The following CXCL12 variants were observed in gnomAD, a reference collection of about 807,000 sequenced individuals.
The protein encoded by CXCL12 is stromal cell-derived factor 1.
CXCL12 carries 4 observed loss-of-function variants against 10.7 expected under a neutral mutation model. That is an observed-to-expected ratio of 0.37 (90% CI 0.18 to 0.86). The LOEUF is 0.86. Ranked by LOEUF, CXCL12 falls within the 40% of genes least tolerant of loss-of-function variation. CXCL12 has a pLI of 0.43. For synonymous variants in CXCL12, 54 were observed against 45.4 expected (o/e 1.19, Z -0.77); for missense variants, 122 against 110.4 (o/e 1.10, Z -0.47).
downstream of CXCL12, chr10:44,374,608 C>T: frequency 2.2e-6 from 1 of 456,046 alleles, no homozygotes; most frequent in South Asian, 1.5e-5. Context: ...TAGGACACCT[C>T]CCCAACGAGG....
At chr10:44,379,232 G>A (rs963711884) in intron 2 of CXCL12, among the ~76,000 whole-genome samples, 1 of 151,992 alleles carries the variant, frequency 6.6e-6, no homozygotes, top group Non-Finnish European at 1.5e-5. Context: ...GAGGAAGGAG[G>A]CCTGCCAGAA....
At chr10:44,372,603 C>A, downstream of CXCL12, 1 of 1,279,778 alleles carries the variant, frequency 7.8e-7, no homozygotes, top group Non-Finnish European at 9.9e-7. Flanking sequence ...GCACAGTTTA[C>A]ATGAAAGCTT....
At chr10:44,376,092 C>T, downstream of CXCL12, 1 of 1,589,292 alleles carries the variant, frequency 6.3e-7, no homozygotes, top group Non-Finnish European at 8.6e-7. Context: ...TCGTCTCAGT[C>T]TGCATAAGAT....
downstream of CXCL12, chr10:44,372,090 G>C (rs1377559663): frequency 6.6e-6 from 1 of 152,300 alleles, no homozygotes; most frequent in Non-Finnish European, 1.5e-5. Flanking sequence ...AAATGGTGAA[G>C]AAGATGAGGT....
downstream of CXCL12, chr10:44,373,096 T>C (rs140248633): frequency 2.9e-3 from 4,519 of 1,536,422 alleles, 8 homozygotes; most frequent in Non-Finnish European, 3.6e-3. Flanking sequence ...ATGGCCTTAG[T>C]CTAAGCTGCT....
At chr10:44,380,707 C>T (rs781468521) in intron 2 of CXCL12, 56 bp downstream of exon 2, 89 of 1,422,888 alleles carry the variant, frequency 6.3e-5, no homozygotes, top group Non-Finnish European at 8.6e-5. Context: ...TTAGATGTTA[C>T]TATGTTCGTT....
downstream of CXCL12, chr10:44,372,551 G>A: frequency 2.3e-6 from 2 of 884,910 alleles, no homozygotes; most frequent in South Asian, 3.1e-5. Context: ...GATGTGCACA[G>A]TGTTTTCAGG....
At chr10:44,384,359 C>T (rs909479972) in intron 1 of CXCL12, among the ~76,000 whole-genome samples, 1 of 152,134 alleles carries the variant, frequency 6.6e-6, no homozygotes, top group African/African-American at 2.4e-5. Flanking sequence ...ACAGCTGCGC[C>T]GCGCAGCCCG....
downstream of CXCL12, chr10:44,375,865 C>T: frequency 6.2e-7 from 1 of 1,603,144 alleles, no homozygotes; most frequent in Non-Finnish European, 8.5e-7. Flanking sequence ...GGGGTCTGTC[C>T]TGGAGGAGGA....
chr10:44,383,161 C>G (rs563448959), intron 1 of CXCL12, among the ~76,000 whole-genome samples: 19 of 152,206 alleles, frequency 1.2e-4, no homozygotes, highest in Non-Finnish European at 2.2e-4. Flanking sequence ...CAAGCTCTCT[C>G]TGTAGTGCAG....
chr10:44,378,078 C>T lies in CXCL12; in HGVS notation c.*555G>A. The T allele has an allele frequency of 6.9e-7, 1 of 1,457,616 alleles. No individual in the cohort carries two copies. The allele number at this position is 1,457,616 out of a possible 1,614,324, so 90.3% of individuals were successfully genotyped here. On this transcript the variant is annotated 3_prime_UTR_variant, in exon 3 of 3. Coordinates refer to ENST00000343575, the MANE Select transcript of CXCL12 (RefSeq NM_199168.4). ...GAGGAGGTGAAGGCAGTGGCGGCGC[C>T]CAGCCCCAGTCGGTATCTGAGTGCC...
chr10:44,370,643 C>A (rs754855034), exon 4 of CXCL12: 2 of 152,108 alleles, frequency 1.3e-5, no homozygotes, highest in Non-Finnish European at 2.9e-5. Flanking sequence ...GGTGATAACA[C>A]CAGTCAGACG....
chr10:44,375,680 C>T (rs1055376054), downstream of CXCL12, among the ~76,000 whole-genome samples: 8 of 152,242 alleles, frequency 5.3e-5, no homozygotes, highest in Non-Finnish European at 1.2e-4. Context: ...GAGTCCTGAG[C>T]ACACAGGCTC....
chr10:44,376,375 C>A (rs527411565), downstream of CXCL12, among the ~76,000 whole-genome samples: 207 of 152,348 alleles, frequency 1.4e-3, no homozygotes, highest in Middle Eastern at 0.01. Context: ...TGTCACCCCA[C>A]CCTGCCCTGT....
Position 44,378,031 on chromosome 10 carries a change from G to C in CXCL12, c.*602C>G. 6.7e-7 allele frequency: 1 copy of C among 1,489,560 alleles called. No individual in the cohort carries two copies. Among genetic ancestry groups the C allele is most frequent in the Non-Finnish European group, 8.8e-7 (1 of 1,131,388 alleles). 92.3% of individuals were successfully genotyped at this position (1,489,560 alleles called of 1,614,324 possible). A position where few individuals can be genotyped will look rare whatever the true frequency, so the allele number is the denominator to read the frequency against. On this transcript the variant is annotated 3_prime_UTR_variant, in exon 3 of 3. Transcript: ENST00000343575. Reference sequence around the variant, plus strand: ...TAGTGGCTTCTACATGGAGCCCACAGAGCCAATCACTGAGGTTGAAAGAGG... The same window carrying C: ...TAGTGGCTTCTACATGGAGCCCACACAGCCAATCACTGAGGTTGAAAGAGG...
intron 1 of CXCL12, among the ~76,000 whole-genome samples, chr10:44,382,816 T>A (rs1056220845): frequency 2.0e-5 from 3 of 152,232 alleles, no homozygotes; most frequent in Non-Finnish European, 4.4e-5. Context: ...AGCCCCCAGG[T>A]GTGCTTACCA....
Position 44,385,083 on chromosome 10 carries a change from G to T in CXCL12, c.-78C>A. 8.8e-7 allele frequency: 1 copy of T among 1,134,286 alleles called. No homozygotes were observed. Among genetic ancestry groups the T allele is most frequent in the Non-Finnish European group, 1.2e-6 (1 of 841,422 alleles). 70.3% of individuals were successfully genotyped at this position (1,134,286 alleles called of 1,614,324 possible). ...CCGAGCGGGCAATGCGGCTGACGGA[G>T]AGTGAAAGTGCGGCGGTGGGAGGCG... On this transcript the variant is annotated 5_prime_UTR_variant, in exon 1 of 3. Transcript: ENST00000343575.
At chr10:44,374,249 C>T (rs1221350016), downstream of CXCL12, 2 of 345,812 alleles carry the variant, frequency 5.8e-6, no homozygotes, top group South Asian at 4.5e-5. Flanking sequence ...GCTTTTCATA[C>T]TGACCAGGAC....
At chr10:44,376,913 T>TAAA (rs36112451), downstream of CXCL12, 129 of 145,246 alleles carry the variant, frequency 8.9e-4, no homozygotes, top group Admixed American at 1.1e-3. Flanking sequence ...TCAATCGGGT[T>TAAA]AAAAAAAAAA....
Sources: allele counts gnomAD v4.1 joint callset (sites outside exome capture counted in the v4.1 genomes callset), GRCh38; gene constraint gnomAD v4.1.1; transcripts MANE v1.5; gene names NCBI Gene and HGNC (gene_info 2026-07-23, HGNC 2026-07-21).